The following SPAG16 variants were observed in gnomAD, a reference collection of about 807,000 sequenced individuals.
SPAG16 encodes sperm-associated antigen 16 protein.
In SPAG16, 86 loss-of-function variants were observed where a neutral mutation model predicts 80.4. That is an observed-to-expected ratio of 1.07 (90% CI 0.90 to 1.28). The LOEUF (loss-of-function observed/expected upper bound fraction) is 1.28, where lower values mean the gene tolerates loss of function less well. SPAG16 is among the 50% of genes most tolerant of loss of function. The probability of loss-of-function intolerance (pLI) is 0.00; values close to 1 mark genes in which losing one functional copy is unlikely to be tolerated. For missense variants in SPAG16, 870 were observed against 765.3 expected (o/e 1.14, Z -1.61); for synonymous variants, 294 against 265.9 (o/e 1.11, Z -1.03).
chr2:213,519,068 C>T (rs540155497), intron 10 of SPAG16, among the ~76,000 whole-genome samples: 7 of 152,184 alleles, frequency 4.6e-5, no homozygotes, highest in Middle Eastern at 3.4e-3. Flanking sequence ...TGTGGACTAC[C>T]GGTGGGGGGT....
At chr2:213,341,348 T>C (rs2064676690) in intron 6 of SPAG16, among the ~76,000 whole-genome samples, 1 of 152,162 alleles carries the variant, frequency 6.6e-6, no homozygotes, top group South Asian at 2.1e-4. Flanking sequence ...AAATCAGCTA[T>C]AGGACAGAGT....
intron 10 of SPAG16, among the ~76,000 whole-genome samples, chr2:213,679,715 T>C (rs2064283670): frequency 6.6e-6 from 1 of 152,342 alleles, no homozygotes; most frequent in East Asian, 1.9e-4. Context: ...CATGATACTT[T>C]AAATTTTTAA....
At chr2:213,505,205 TA>T (rs2074918492) in intron 10 of SPAG16, among the ~76,000 whole-genome samples, 1 of 152,226 alleles carries the variant, frequency 6.6e-6, no homozygotes, top group African/African-American at 2.4e-5. Context: ...AATGGAGATT[TA>T]AAGAGTATTA....
At chr2:214,237,333 A>C (rs905894184) in intron 15 of SPAG16, among the ~76,000 whole-genome samples, 16 of 151,914 alleles carry the variant, frequency 1.1e-4, no homozygotes, top group African/African-American at 3.4e-4. Flanking sequence ...TAAAAAAAAA[A>C]CACAGATCTT....
At position 214,190,321 on chromosome 2, in the gene SPAG16, G is replaced by A. The variant is rs148034827; in HGVS notation, c.1720+41055G>A. 3.6e-3 allele frequency among the ~76,000 whole-genome samples: 544 copies of A among 152,150 alleles called. 6 individuals are homozygous for A. The highest frequency in any genetic ancestry group is 0.013 in the African/African-American group (528 of 41,544). ...CCCTACTTGCCAGATTGTGTTGTTT[G>A]CTTTGGAATTTATATAGGAGAAATA... On this transcript the variant is annotated intron_variant, in intron 15 of 15. Coordinates refer to ENST00000331683, the MANE Select transcript of SPAG16 (RefSeq NM_024532.5).
intron 10 of SPAG16, among the ~76,000 whole-genome samples, chr2:213,750,657 G>C (rs1212166345): frequency 6.6e-6 from 1 of 152,142 alleles, no homozygotes; most frequent in East Asian, 1.9e-4. Context: ...AACCTTTTGT[G>C]CTGCACAGGC....
At chr2:213,314,631 A>G (rs1371630833) in intron 4 of SPAG16, among the ~76,000 whole-genome samples, 2 of 151,920 alleles carry the variant, frequency 1.3e-5, no homozygotes, top group Non-Finnish European at 2.9e-5. Context: ...TATGTAATAA[A>G]TGTTGTATTT....
chr2:214,147,526 T>C (rs1214434743), intron 14 of SPAG16, among the ~76,000 whole-genome samples: 2 of 152,196 alleles, frequency 1.3e-5, no homozygotes, highest in Admixed American at 1.3e-4. Context: ...ATTTCCATTC[T>C]GTGACTTCTC....
intron 15 of SPAG16, among the ~76,000 whole-genome samples, chr2:214,284,123 A>C (rs1693167837): frequency 6.6e-6 from 1 of 152,094 alleles, no homozygotes; most frequent in African/African-American, 2.4e-5. Context: ...CTTATATAGC[A>C]CCCCTCTTTT....
At chr2:213,909,344 A>G (rs2077562234) in intron 11 of SPAG16, among the ~76,000 whole-genome samples, 1 of 152,176 alleles carries the variant, frequency 6.6e-6, no homozygotes, top group Non-Finnish European at 1.5e-5. Flanking sequence ...TCAAGCTACC[A>G]ATGACTTTCT....
chr2:213,488,778 T>A (rs566706756), intron 9 of SPAG16, among the ~76,000 whole-genome samples: 7 of 152,256 alleles, frequency 4.6e-5, no homozygotes, highest in African/African-American at 1.7e-4. Flanking sequence ...CTTTGTTAAT[T>A]AGAAATATAT....
At chr2:213,925,056 A>G (rs113810898) in intron 11 of SPAG16, among the ~76,000 whole-genome samples, 23 of 152,130 alleles carry the variant, frequency 1.5e-4, no homozygotes, top group Non-Finnish European at 2.9e-4. Flanking sequence ...TGCTGACTGA[A>G]TTTAGTAAAG....
rs950722270 is a variant in SPAG16, at chr2:213,815,297, G to A, written c.1071-47188G>A. ...AAAGGAAAATCTACTGGGACAGAAA[G>A]GTTGCCAGGAGCCAGATTTGCAGGG... On this transcript the variant is annotated intron_variant, in intron 10 of 15. Coordinates refer to ENST00000331683, the MANE Select transcript of SPAG16 (RefSeq NM_024532.5). Among the ~76,000 whole-genome samples the A allele has an allele frequency of 4.1e-4, 62 of 152,220 alleles. 1 individual carries two copies. Among genetic ancestry groups the A allele is most frequent in the African/African-American group, 1.4e-3 (60 of 41,548 alleles).
chr2:213,426,719 T>C (rs1001155418), intron 9 of SPAG16, among the ~76,000 whole-genome samples: 1 of 151,824 alleles, frequency 6.6e-6, no homozygotes, highest in African/African-American at 2.4e-5. Context: ...TAACTGTTCT[T>C]AAAAGGGTGA....
At chr2:213,554,194 A>G (rs996720384) in intron 10 of SPAG16, among the ~76,000 whole-genome samples, 2 of 152,172 alleles carry the variant, frequency 1.3e-5, no homozygotes, top group Non-Finnish European at 2.9e-5. Context: ...CAAAGACTCT[A>G]ACAACACTTG....
At chr2:213,318,669 T>C (rs188328645) in intron 5 of SPAG16, among the ~76,000 whole-genome samples, 1 of 152,020 alleles carries the variant, frequency 6.6e-6, no homozygotes, top group African/African-American at 2.4e-5. Context: ...AAATATAAAC[T>C]ATCCATAATT....
At chr2:214,017,252 A>G (rs781345794) in intron 13 of SPAG16, among the ~76,000 whole-genome samples, 14 of 152,174 alleles carry the variant, frequency 9.2e-5, no homozygotes, top group Non-Finnish European at 1.9e-4. Context: ...TTGCTTTAAA[A>G]TAGCTTCTCA....
At chr2:214,040,567 A>T (rs1052135436) in intron 13 of SPAG16, among the ~76,000 whole-genome samples, 1 of 152,038 alleles carries the variant, frequency 6.6e-6, no homozygotes, top group Non-Finnish European at 1.5e-5. Flanking sequence ...GTGTTAGTTT[A>T]CTAACTAAGG....
intron 15 of SPAG16, among the ~76,000 whole-genome samples, chr2:214,213,979 G>A (rs909281788): frequency 2.0e-5 from 3 of 152,152 alleles, no homozygotes; most frequent in Admixed American, 6.5e-5. Context: ...TTCATTTAAG[G>A]TGAAACTCTA....
Sources: gnomAD v4.1 joint callset for allele counts (sites outside exome capture counted in the v4.1 genomes callset) on GRCh38, gnomAD v4.1.1 for gene constraint, MANE v1.5 for transcripts, NCBI Gene and HGNC (gene_info 2026-07-23, HGNC 2026-07-21) for gene names.